DENND1A: variants seen among roughly 807,000 people sequenced by gnomAD.
DENND1A encodes DENN domain containing 1A, also known as DENN domain-containing protein 1A.
DENND1A carries 51 observed loss-of-function variants against 113.7 expected under a neutral mutation model. The observed-to-expected ratio is 0.45, with a 90% CI of 0.36 to 0.57. The LOEUF (loss-of-function observed/expected upper bound fraction) is 0.57, where lower values mean the gene tolerates loss of function less well. Ranked by LOEUF, DENND1A falls within the 20% of genes least tolerant of loss-of-function variation. The pLI is 0.00. For synonymous variants in DENND1A, 565 were observed against 570.8 expected, an observed-to-expected ratio of 0.99 and a Z score of 0.14; for missense variants, 1,258 against 1,395.9, an observed-to-expected ratio of 0.90 and a Z score of 1.57.
chr9:123,711,405 G>T (rs536137772), intron 5 of DENND1A, among the ~76,000 whole-genome samples: 1 of 150,892 alleles, frequency 6.6e-6, no homozygotes, highest in African/African-American at 2.4e-5. Context: ...GGCAGATGTT[G>T]CAGTGAGCCA....
intron 21 of DENND1A, among the ~76,000 whole-genome samples, chr9:123,393,306 G>A (rs1350360893): frequency 2.0e-5 from 3 of 152,174 alleles, no homozygotes; most frequent in Admixed American, 6.5e-5. Context: ...GTTCAAGGAT[G>A]AGTAAGGCAG....
chr9:123,865,163 A>T (rs1370570325), intron 2 of DENND1A, among the ~76,000 whole-genome samples: 2 of 152,054 alleles, frequency 1.3e-5, no homozygotes, highest in East Asian at 1.9e-4. Flanking sequence ...CTGTGTAATT[A>T]AAAAAAAGCT....
intron 19 of DENND1A, among the ~76,000 whole-genome samples, chr9:123,435,372 G>A (rs1252705014): frequency 6.6e-6 from 1 of 152,162 alleles, no homozygotes; most frequent in Non-Finnish European, 1.5e-5. Context: ...AGACAAGCCG[G>A]CAACCACATC....
chr9:123,546,409 G>A (rs1050258435), intron 13 of DENND1A, among the ~76,000 whole-genome samples: 5 of 151,816 alleles, frequency 3.3e-5, no homozygotes, highest in Non-Finnish European at 7.4e-5. Flanking sequence ...AAAAGTAGCC[G>A]GGCGTGGTGG....
chr9:123,728,479 C>CAAAAAAAAAAAAAAAAAAAAAAAA lies in DENND1A; in HGVS notation c.302+29200_302+29223dup, dbSNP rs60761810. Among the ~76,000 whole-genome samples the CAAAAAAAAAAAAAAAAAAAAAAAA allele has an allele frequency of 1.7e-3, 42 of 25,192 alleles. 9 individuals are homozygous for CAAAAAAAAAAAAAAAAAAAAAAAA. The highest frequency in any genetic ancestry group is 2.3e-3 in the Non-Finnish European group (33 of 14,184). 16.5% of individuals were successfully genotyped at this position (25,192 alleles called of 152,430 possible). A position where few individuals can be genotyped will look rare whatever the true frequency, so the allele number is the denominator to read the frequency against. ...GCAACAATTGCAAAACTCTGTCTCC[C>CAAAAAAAAAAAAAAAAAAAAAAAA]AAAAAAAAAAAAAAAAAAAAAAAAA... On this transcript the variant is annotated intron_variant, in intron 5 of 23. Transcript: ENST00000394215.
chr9:123,741,415 A>T (rs2069012489), intron 5 of DENND1A, among the ~76,000 whole-genome samples: 1 of 152,238 alleles, frequency 6.6e-6, no homozygotes, highest in South Asian at 2.1e-4. Flanking sequence ...CTCTGTAAGC[A>T]GAATAACTAC....
chr9:123,639,235 C>T (rs543687323), intron 9 of DENND1A, among the ~76,000 whole-genome samples: 8 of 151,604 alleles, frequency 5.3e-5, no homozygotes, highest in Non-Finnish European at 7.4e-5. Flanking sequence ...GTCAGGAGTT[C>T]GAGACCAGCC....
chr9:123,796,141 A>G (rs986318437), intron 2 of DENND1A, among the ~76,000 whole-genome samples: 2 of 152,230 alleles, frequency 1.3e-5, no homozygotes, highest in Non-Finnish European at 2.9e-5. Flanking sequence ...GCCCTAATAG[A>G]GTCCATGCAT....
intron 13 of DENND1A, among the ~76,000 whole-genome samples, chr9:123,461,373 G>GCT (rs2048509804): frequency 6.6e-6 from 1 of 152,202 alleles, no homozygotes; most frequent in African/African-American, 2.4e-5. Context: ...GCTGGTTAAA[G>GCT]AACCACGAAA....
intron 7 of DENND1A, among the ~76,000 whole-genome samples, chr9:123,668,004 G>C (rs1249966648): frequency 1.3e-5 from 2 of 152,088 alleles, no homozygotes; most frequent in Non-Finnish European, 2.9e-5. Flanking sequence ...GTCCAATGAG[G>C]CATCTCCATA....
In DENND1A at chr9:123,800,961, G is replaced by A. The variant is rs1834546482; in HGVS notation, c.89-8331C>T. 2.6e-5 allele frequency among the ~76,000 whole-genome samples: 4 copies of A among 152,170 alleles called. 1 individual carries two copies. In the South Asian group the frequency reaches 8.3e-4, roughly 32 times the overall value. On this transcript the variant is annotated intron_variant, in intron 2 of 23. Coordinates refer to ENST00000394215, the MANE Select transcript of DENND1A (RefSeq NM_001352964.2). The stretch of plus-strand genomic sequence containing the variant: ...CCACAATGAGAACCCCAATGCTGGA[G>A]TTCCCATTCATACAGGAGAGACAAT...
intron 2 of DENND1A, among the ~76,000 whole-genome samples, chr9:123,807,652 T>C (rs1122377): frequency 0.067 from 10,162 of 152,268 alleles, 472 homozygotes; most frequent in African/African-American, 0.13. Context: ...GTTTGCTGAA[T>C]TGAATTCTAT....
chr9:123,847,608 T>TG (rs2133085660), intron 2 of DENND1A, among the ~76,000 whole-genome samples: 1 of 152,170 alleles, frequency 6.6e-6, no homozygotes, highest in South Asian at 2.1e-4. Context: ...TTAGCCCAGA[T>TG]GAAAAAACTC....
chr9:123,609,078 C>G (rs1044285510), intron 11 of DENND1A, among the ~76,000 whole-genome samples: 1 of 152,166 alleles, frequency 6.6e-6, no homozygotes, highest in East Asian at 1.9e-4. Flanking sequence ...CATTTTATAT[C>G]ACATTTACTA....
chr9:123,765,468 C>G (rs1437928225), intron 4 of DENND1A, among the ~76,000 whole-genome samples: 2 of 152,174 alleles, frequency 1.3e-5, no homozygotes, highest in African/African-American at 4.8e-5. Context: ...ACATTTGCAT[C>G]TGGGGTTACA....
chr9:123,794,003 T>C (rs1833402377), intron 2 of DENND1A, among the ~76,000 whole-genome samples: 4 of 152,232 alleles, frequency 2.6e-5, no homozygotes, highest in African/African-American at 7.2e-5. Context: ...GAATCAATGA[T>C]GTGCCTAGAC....
intron 2 of DENND1A, among the ~76,000 whole-genome samples, chr9:123,801,537 G>A (rs1254372516): frequency 1.3e-5 from 2 of 152,142 alleles, no homozygotes; most frequent in African/African-American, 4.8e-5. Flanking sequence ...ATGGACATAT[G>A]GGTTATTTCC....
chr9:123,618,337 G>A (rs955681268), intron 10 of DENND1A, among the ~76,000 whole-genome samples: 5 of 152,182 alleles, frequency 3.3e-5, no homozygotes, highest in African/African-American at 1.2e-4. Context: ...GCCCCAGAAT[G>A]TCCAGAGTTT....
intron 11 of DENND1A, among the ~76,000 whole-genome samples, chr9:123,607,119 G>C (rs373523250): frequency 6.6e-6 from 1 of 152,156 alleles, no homozygotes; most frequent in Non-Finnish European, 1.5e-5. Flanking sequence ...TGGTTATCAA[G>C]TGACCAGCTG....
Sources: gnomAD v4.1 joint callset for allele counts (sites outside exome capture counted in the v4.1 genomes callset) on GRCh38, gnomAD v4.1.1 for gene constraint, MANE v1.5 for transcripts, NCBI Gene and HGNC (gene_info 2026-07-23, HGNC 2026-07-21) for gene names.